The following TRAPPC13 variants were observed in gnomAD, a reference collection of about 807,000 sequenced individuals.
TRAPPC13 encodes trafficking protein particle complex subunit 13, also known as REV7-interacting novel NHEJ regulator 1.
A neutral mutation model predicts 54.0 loss-of-function variants in TRAPPC13; 39 were observed. That is an observed-to-expected ratio of 0.72 (90% confidence interval 0.56 to 0.94). TRAPPC13 has a LOEUF of 0.94. TRAPPC13 is among the 40% of genes least tolerant of loss of function. TRAPPC13 has a pLI of 0.00. For synonymous variants in TRAPPC13, 148 were observed against 167.7 expected, an observed-to-expected ratio of 0.88 and a Z score of 0.91; for missense variants, 386 against 488.1, an observed-to-expected ratio of 0.79 and a Z score of 1.97.
At chr5:65,627,000 T>G (rs1755265638) in intron 1 of TRAPPC13, among the ~76,000 whole-genome samples, 1 of 149,444 alleles carries the variant, frequency 6.7e-6, no homozygotes, top group African/African-American at 2.5e-5. Flanking sequence ...ATTAGCCAGG[T>G]GTGGTGGTGT....
chr5:65,630,816 C>A, intron 1 of TRAPPC13: 1 of 370,914 alleles, frequency 2.7e-6, no homozygotes, highest in Non-Finnish European at 3.7e-6. Flanking sequence ...TGTTTTCAAA[C>A]AACGATACAA....
Position 65,625,034 on chromosome 5 carries a change from G to A in TRAPPC13, c.-27G>A. On this transcript the variant is annotated 5_prime_UTR_variant, in exon 1 of 13. Coordinates refer to ENST00000399438, the MANE Select transcript of TRAPPC13 (RefSeq NM_024941.4). Reference sequence around the variant, plus strand: ...AAGTTGAACCTGTCCAGCCCCCGTAGGCTGTGGGTCAAAAGTGCCGGTCAA... The same window carrying A: ...AAGTTGAACCTGTCCAGCCCCCGTAAGCTGTGGGTCAAAAGTGCCGGTCAA... 1 of 1,608,740 alleles carries A rather than the reference G, an allele frequency of 6.2e-7. No individual in the cohort carries two copies. The highest frequency in any genetic ancestry group is 8.5e-7 in the Non-Finnish European group (1 of 1,175,148).
intron 8 of TRAPPC13, among the ~76,000 whole-genome samples, chr5:65,656,253 T>A (rs1049467067): frequency 6.7e-4 from 102 of 152,380 alleles, no homozygotes; most frequent in African/African-American, 2.4e-3. Flanking sequence ...CAAATTGCTT[T>A]ACACTAACTG....
At chr5:65,637,196 G>A (rs2150669260) in intron 3 of TRAPPC13, among the ~76,000 whole-genome samples, 2 of 152,328 alleles carry the variant, frequency 1.3e-5, no homozygotes, top group East Asian at 3.9e-4. Flanking sequence ...TATAGATTAC[G>A]TCTGTATTTT....
At chr5:65,646,531 C>CT (rs907003530) in intron 4 of TRAPPC13, among the ~76,000 whole-genome samples, 3 of 151,366 alleles carry the variant, frequency 2.0e-5, no homozygotes, top group African/African-American at 2.4e-5. Context: ...TTATTTGTAC[C>CT]TTTTTTTTTC....
At chr5:65,637,670 G>A (rs557777349) in intron 3 of TRAPPC13, 26 bp from the exon 4 acceptor site, 2 of 1,310,092 alleles carry the variant, frequency 1.5e-6, no homozygotes, top group South Asian at 1.3e-5. Context: ...ATGGATTTCT[G>A]CCTAAATACT....
At chr5:65,644,674 A>G (rs1277643426) in intron 4 of TRAPPC13, among the ~76,000 whole-genome samples, 1 of 152,000 alleles carries the variant, frequency 6.6e-6, no homozygotes, top group Non-Finnish European at 1.5e-5. Context: ...TGAGGCCAGA[A>G]GTTTGAGACC....
At chr5:65,655,911 T>C in intron 8 of TRAPPC13, among the ~76,000 whole-genome samples, 1 of 86,168 alleles carries the variant, frequency 1.2e-5, no homozygotes, top group South Asian at 3.4e-4. Flanking sequence ...TTCTTTAGAT[T>C]TTTTTTTTAA....
intron 2 of TRAPPC13, 145 bp downstream of exon 2, chr5:65,635,514 A>G (rs1755714404): frequency 1.5e-6 from 1 of 679,918 alleles, no homozygotes; most frequent in South Asian, 2.0e-5. Flanking sequence ...ATCATGTGAA[A>G]GGTGGCCATC....
chr5:65,660,731 A>C lies in TRAPPC13; in HGVS notation c.731A>C (p.Gln244Pro). 1.2e-6 allele frequency: 2 copies of C among 1,611,702 alleles called. No individual in the cohort carries two copies. The highest frequency in any genetic ancestry group is 1.7e-6 in the Non-Finnish European group (2 of 1,178,894). The part of the protein sequence containing the change: ...VSTFGSRAYL[Q>P]PMDTRQYLYC... ...ACGTTTGGGTCAAGAGCATATTTGC[A>C]ACCAATGGATACACGCCAGTACTTA... Residue 244 changes from glutamine (Q) to proline (P), a missense_variant, in exon 10 of 13, where the codon CAA (glutamine) becomes CCA (proline). Physicochemically the swap from Gln to Pro is moderately conservative, Grantham distance 76. Coordinates refer to ENST00000399438, the MANE Select transcript of TRAPPC13 (RefSeq NM_024941.4).
At chr5:65,639,498 A>G (rs773483477) in intron 4 of TRAPPC13, among the ~76,000 whole-genome samples, 1 of 152,178 alleles carries the variant, frequency 6.6e-6, no homozygotes, top group Non-Finnish European at 1.5e-5. Context: ...CCATCTCTAC[A>G]AACAATTTAA....
intron 4 of TRAPPC13, among the ~76,000 whole-genome samples, chr5:65,638,733 G>A (rs1034296108): frequency 2.6e-5 from 4 of 152,166 alleles, no homozygotes; most frequent in Non-Finnish European, 4.4e-5. Context: ...CATGTCTCAC[G>A]TGGATGGCAG....
At chr5:65,645,039 A>G (rs1477144339) in intron 4 of TRAPPC13, among the ~76,000 whole-genome samples, 1 of 151,908 alleles carries the variant, frequency 6.6e-6, no homozygotes, top group African/African-American at 2.4e-5. Flanking sequence ...TCTACTAAAA[A>G]TACAAAAAAT....
intron 4 of TRAPPC13, among the ~76,000 whole-genome samples, chr5:65,640,519 G>C (rs1188842139): frequency 3.3e-5 from 5 of 152,190 alleles, no homozygotes; most frequent in African/African-American, 7.2e-5. Flanking sequence ...GAGATTGTAT[G>C]GCCTCTAAAA....
At chr5:65,662,389 G>T in intron 11 of TRAPPC13, 1 of 315,940 alleles carries the variant, frequency 3.2e-6, no homozygotes, top group Non-Finnish European at 5.7e-6. Flanking sequence ...CACCCTATGA[G>T]GTAGGTATTC....
chr5:65,643,061 T>A (rs1006996375), intron 4 of TRAPPC13, among the ~76,000 whole-genome samples: 110 of 152,162 alleles, frequency 7.2e-4, no homozygotes, highest in Non-Finnish European at 1.3e-3. Context: ...AAACTTTTTT[T>A]ATATTTTTAT....
intron 5 of TRAPPC13, 103 bp from the exon 6 acceptor site, chr5:65,650,707 A>G: frequency 2.4e-6 from 2 of 839,630 alleles, no homozygotes; most frequent in South Asian, 3.1e-5. Flanking sequence ...TCCACACCAT[A>G]GATATAAGTG....
At chr5:65,645,700 AG>A (rs1756168570) in intron 4 of TRAPPC13, among the ~76,000 whole-genome samples, 1 of 152,150 alleles carries the variant, frequency 6.6e-6, no homozygotes, top group East Asian at 1.9e-4. Flanking sequence ...GCTACTCGGG[AG>A]GCTGAGGCAG....
intron 9 of TRAPPC13, among the ~76,000 whole-genome samples, chr5:65,659,407 A>G (rs2150691404): frequency 6.6e-6 from 1 of 152,330 alleles, no homozygotes; most frequent in South Asian, 2.1e-4. Context: ...TTTACTATTC[A>G]AAGCATTTGG....
Sources: allele counts gnomAD v4.1 joint callset (sites outside exome capture counted in the v4.1 genomes callset), GRCh38; gene constraint gnomAD v4.1.1; transcripts MANE v1.5; gene names NCBI Gene and HGNC (gene_info 2026-07-23, HGNC 2026-07-21).